RUNX1: variants seen among roughly 807,000 people sequenced by gnomAD.
RUNX1 encodes the protein RUNX family transcription factor 1, also known as runt-related transcription factor 1.
RUNX1 carries 19 observed loss-of-function variants against 42.8 expected under a neutral mutation model. The observed-to-expected ratio is 0.44, with a 90% confidence interval of 0.31 to 0.65. RUNX1 has a LOEUF of 0.65. Among genes scored for constraint, RUNX1 ranks in the 30% least tolerant of loss-of-function variants. RUNX1 has a pLI of 0.07. For missense variants in RUNX1, 528 were observed against 672.0 expected (o/e 0.79, Z 2.37); for synonymous variants, 271 against 289.4 (o/e 0.94, Z 0.64).
intron 2 of RUNX1, among the ~76,000 whole-genome samples, chr21:34,959,481 G>T (rs2058668458): frequency 6.6e-6 from 1 of 152,134 alleles, no homozygotes; most frequent in Admixed American, 6.5e-5. Flanking sequence ...CAGTGTGGAT[G>T]TTGGTGAATA....
At chr21:34,958,013 G>A (rs550738880) in intron 2 of RUNX1, among the ~76,000 whole-genome samples, 30 of 152,172 alleles carry the variant, frequency 2.0e-4, no homozygotes, top group Non-Finnish European at 3.7e-4. Flanking sequence ...AAAGGATGGC[G>A]GTAAAATAAT....
At chr21:34,855,627 C>T (rs115631819) in intron 6 of RUNX1, among the ~76,000 whole-genome samples, 6,904 of 152,196 alleles carry the variant, frequency 0.045, 307 homozygotes, top group African/African-American at 0.12. Flanking sequence ...ATCGCTTGAA[C>T]CTGGGAGTGG....
intron 2 of RUNX1, among the ~76,000 whole-genome samples, chr21:34,945,303 T>C (rs1353721523): frequency 6.6e-6 from 1 of 152,240 alleles, no homozygotes; most frequent in Non-Finnish European, 1.5e-5. Flanking sequence ...CTCACAAACA[T>C]ATTCGGGTCC....
chr21:34,963,342 A>C (rs2058694833), intron 2 of RUNX1, among the ~76,000 whole-genome samples: 1 of 152,216 alleles, frequency 6.6e-6, no homozygotes, highest in South Asian at 2.1e-4. Context: ...TGTCCAGGAC[A>C]GTAGTGGCCT....
chr21:34,906,824 A>T (rs1459990315), intron 2 of RUNX1, among the ~76,000 whole-genome samples: 1 of 152,240 alleles, frequency 6.6e-6, no homozygotes, highest in African/African-American at 2.4e-5. Flanking sequence ...CTTTAGAAAC[A>T]CAGAACCCAG....
Position 34,792,633 on chromosome 21 carries a change from G to T in RUNX1, c.968-23C>A. The T allele has an allele frequency of 6.4e-7, 1 of 1,554,314 alleles. No individual in the cohort carries two copies. Among genetic ancestry groups the T allele is most frequent in the East Asian group, 2.4e-5 (1 of 41,876 alleles). On this transcript the variant is annotated intron_variant, in intron 8 of 8. Coordinates refer to ENST00000675419, the MANE Select transcript of RUNX1 (RefSeq NM_001754.5). The surrounding 1 kb of genome is among the most constrained non-coding windows in gnomAD (Gnocchi z 6.9). ...CCGCTGCAGGGCGGGCAAGAGAACGGAGCGGAAGTGAGTAGGAGGTTGCGG... is the reference window on the plus strand; with the variant it reads ...CCGCTGCAGGGCGGGCAAGAGAACGTAGCGGAAGTGAGTAGGAGGTTGCGG...
At chr21:34,964,246 T>C (rs1339136728) in intron 2 of RUNX1, among the ~76,000 whole-genome samples, 2 of 151,986 alleles carry the variant, frequency 1.3e-5, no homozygotes, top group African/African-American at 4.8e-5. Context: ...TCCAGCACTA[T>C]GGGAGGCCGA....
intron 2 of RUNX1, among the ~76,000 whole-genome samples, chr21:34,953,557 T>C (rs1415057167): frequency 6.6e-6 from 1 of 152,196 alleles, no homozygotes; most frequent in Non-Finnish European, 1.5e-5. Flanking sequence ...TCTAGGTTTT[T>C]GATGACATAG....
chr21:35,043,478 T>G (rs1430479075), intron 2 of RUNX1, among the ~76,000 whole-genome samples: 1 of 152,178 alleles, frequency 6.6e-6, no homozygotes, highest in African/African-American at 2.4e-5. Context: ...AGGGAAAATA[T>G]CTTGCATTTG....
chr21:34,846,776 C>T (rs916283669), intron 6 of RUNX1, among the ~76,000 whole-genome samples: 1 of 152,314 alleles, frequency 6.6e-6, no homozygotes, highest in Non-Finnish European at 1.5e-5. Context: ...TCTCCCTGCA[C>T]TCAGCTACCT....
At chr21:34,837,294 G>A (rs2057161367) in intron 6 of RUNX1, among the ~76,000 whole-genome samples, 1 of 152,166 alleles carries the variant, frequency 6.6e-6, no homozygotes, top group Non-Finnish European at 1.5e-5. Flanking sequence ...GAGTCAGTAG[G>A]AACGTTATTG....
At chr21:34,978,937 T>TACACACACAAACACACACACACACACAC (rs2058824501) in intron 2 of RUNX1, among the ~76,000 whole-genome samples, 1 of 134,054 alleles carries the variant, frequency 7.5e-6, no homozygotes, top group Non-Finnish European at 1.6e-5. Flanking sequence ...CACACACAGA[T>TACACACACAAACACACACACACACACAC]ACACACACAC....
intron 2 of RUNX1, among the ~76,000 whole-genome samples, chr21:34,927,921 C>T (rs1359584380): frequency 6.6e-6 from 1 of 152,094 alleles, no homozygotes; most frequent in African/African-American, 2.4e-5. Context: ...GTTATAATTG[C>T]CTGGAGAGTT....
At chr21:35,012,028 A>G (rs2059129833) in intron 2 of RUNX1, among the ~76,000 whole-genome samples, 1 of 152,218 alleles carries the variant, frequency 6.6e-6, no homozygotes. Flanking sequence ...CTACAGGATT[A>G]AGAAGGTAGC....
intron 4 of RUNX1, among the ~76,000 whole-genome samples, chr21:34,885,326 A>G (rs960683538): frequency 6.6e-6 from 1 of 152,164 alleles, no homozygotes; most frequent in Non-Finnish European, 1.5e-5. Flanking sequence ...CGGGTGCCCT[A>G]AAGAGTCATC....
chr21:34,793,749 G>C (rs2056485085), intron 8 of RUNX1, among the ~76,000 whole-genome samples: 1 of 151,698 alleles, frequency 6.6e-6, no homozygotes, highest in African/African-American at 2.4e-5. Context: ...TGTCACCAAG[G>C]CTGGAGTGCA....
chr21:35,039,219 G>A (rs1174654942), intron 2 of RUNX1, among the ~76,000 whole-genome samples: 1 of 152,168 alleles, frequency 6.6e-6, no homozygotes, highest in African/African-American at 2.4e-5. Flanking sequence ...CTAGTTATGT[G>A]CATGCTTGAA....
chr21:35,047,773 A>T lies in RUNX1; in HGVS notation c.58+1069T>A, dbSNP rs1273823814. Among the ~76,000 whole-genome samples the T allele has an allele frequency of 2.0e-5, 3 of 152,130 alleles. No individual in the cohort carries two copies. In the South Asian group the frequency reaches 6.2e-4, roughly 32 times the overall value. On this transcript the variant is annotated intron_variant, in intron 2 of 8. Transcript: ENST00000675419. ...TGCTCAAGAGAGTTTGTAGCCAGAA[A>T]ATTAATTATTCTCCCATCCCAGCCC... is the stretch of plus-strand genomic sequence containing the variant.
chr21:34,815,128 T>G (rs2056808102), intron 7 of RUNX1, among the ~76,000 whole-genome samples: 1 of 152,022 alleles, frequency 6.6e-6, no homozygotes, highest in African/African-American at 2.4e-5. Context: ...ACCTTCCCCT[T>G]GATTTGAACA....
Sources: allele counts gnomAD v4.1 joint callset (sites outside exome capture counted in the v4.1 genomes callset), GRCh38; gene constraint gnomAD v4.1.1; non-coding constraint Gnocchi (gnomAD v3.1); transcripts MANE v1.5; gene names NCBI Gene and HGNC (gene_info 2026-07-23, HGNC 2026-07-21).